FER: variants seen among roughly 807,000 people sequenced by gnomAD.
The protein encoded by FER is tyrosine-protein kinase Fer.
A neutral mutation model predicts 111.0 loss-of-function variants in FER; 63 were observed. That is an observed-to-expected ratio of 0.57 (90% CI 0.46 to 0.70). FER has a LOEUF of 0.70. Among genes scored for constraint, FER ranks in the 30% least tolerant of loss-of-function variants. The pLI is 0.00. For synonymous variants in FER, 327 were observed against 313.9 expected, an observed-to-expected ratio of 1.04 and a Z score of -0.44; for missense variants, 914 against 954.0, an observed-to-expected ratio of 0.96 and a Z score of 0.55.
intron 10 of FER, among the ~76,000 whole-genome samples, chr5:108,925,533 C>T (rs777303686): frequency 6.6e-5 from 10 of 151,968 alleles, no homozygotes; most frequent in African/African-American, 2.2e-4. Context: ...TGTCATTTTG[C>T]GACTTAATTG....
At chr5:108,753,070 A>G (rs947444580) in intron 1 of FER, among the ~76,000 whole-genome samples, 2 of 152,106 alleles carry the variant, frequency 1.3e-5, no homozygotes, top group African/African-American at 4.8e-5. Context: ...GGATAGTAAA[A>G]TTGCTTCACT....
chr5:108,838,231 G>A (rs1276213003), intron 5 of FER, among the ~76,000 whole-genome samples: 1 of 151,978 alleles, frequency 6.6e-6, no homozygotes, highest in Non-Finnish European at 1.5e-5. Context: ...ACATATATAG[G>A]CTTTATGTCA....
intron 2 of FER, among the ~76,000 whole-genome samples, chr5:108,782,996 A>G (rs911669468): frequency 6.6e-6 from 1 of 152,104 alleles, no homozygotes; most frequent in Non-Finnish European, 1.5e-5. Flanking sequence ...CTAATAGTAC[A>G]CTGTCTTGAT....
intron 9 of FER, among the ~76,000 whole-genome samples, chr5:108,885,746 G>T (rs1373155801): frequency 1.3e-5 from 2 of 151,678 alleles, no homozygotes; most frequent in Non-Finnish European, 2.9e-5. Flanking sequence ...TTCAACATCT[G>T]AATTTTGGCA....
chr5:108,892,262 A>T (rs1053038649), intron 9 of FER, among the ~76,000 whole-genome samples: 5 of 152,174 alleles, frequency 3.3e-5, no homozygotes, highest in Non-Finnish European at 5.9e-5. Context: ...CAACAGTTGA[A>T]CTAGTTTACC....
chr5:108,773,041 T>C (rs2149972851), intron 2 of FER, among the ~76,000 whole-genome samples: 1 of 152,160 alleles, frequency 6.6e-6, no homozygotes, highest in East Asian at 1.9e-4. Context: ...TCAGCGAGTG[T>C]TCTCTTTTAC....
At chr5:108,771,583 A>G (rs1255539508) in intron 2 of FER, among the ~76,000 whole-genome samples, 1 of 152,172 alleles carries the variant, frequency 6.6e-6, no homozygotes, top group African/African-American at 2.4e-5. Context: ...GTCTCCTCTC[A>G]TGCTTTCTGT....
intron 17 of FER, among the ~76,000 whole-genome samples, chr5:109,165,593 G>GGT (rs66749153): frequency 0.13 from 17,868 of 142,056 alleles, 1,052 homozygotes; most frequent in African/African-American, 0.15. Context: ...GGAGGGAACT[G>GGT]GTGTGTGTGT....
intron 2 of FER, among the ~76,000 whole-genome samples, chr5:108,792,758 T>A (rs1180233626): frequency 2.6e-5 from 4 of 151,964 alleles, no homozygotes; most frequent in Non-Finnish European, 4.4e-5. Context: ...TCTAATTTCA[T>A]TTTTGGATTG....
chr5:109,145,995 C>T (rs573828285), intron 17 of FER, among the ~76,000 whole-genome samples: 51 of 150,818 alleles, frequency 3.4e-4, no homozygotes, highest in African/African-American at 1.1e-3. Flanking sequence ...AGGTGATTTA[C>T]ATCTTATGGT....
intron 3 of FER, among the ~76,000 whole-genome samples, chr5:108,799,649 A>T (rs1334647377): frequency 6.6e-6 from 1 of 152,178 alleles, no homozygotes; most frequent in Non-Finnish European, 1.5e-5. Context: ...ATTTAACTGG[A>T]TATCCTTTAT....
intron 13 of FER, among the ~76,000 whole-genome samples, chr5:109,031,764 A>G (rs1290066813): frequency 6.6e-6 from 1 of 152,176 alleles, no homozygotes; most frequent in Non-Finnish European, 1.5e-5. Flanking sequence ...TTCAAGACTT[A>G]TCTCAAATAC....
At chr5:108,892,513 T>G (rs1386696043) in intron 9 of FER, among the ~76,000 whole-genome samples, 1 of 152,152 alleles carries the variant, frequency 6.6e-6, no homozygotes, top group Non-Finnish European at 1.5e-5. Context: ...TTGATGGGGT[T>G]GTTTGTTTTT....
At chr5:109,116,266 C>T (rs1373331276) in intron 17 of FER, among the ~76,000 whole-genome samples, 6 of 151,796 alleles carry the variant, frequency 4.0e-5, no homozygotes, top group Non-Finnish European at 8.8e-5. Flanking sequence ...TTTTCTTTAC[C>T]GATAGATGTT....
At chr5:109,066,886 T>C (rs1203084732) in intron 16 of FER, among the ~76,000 whole-genome samples, 1 of 152,162 alleles carries the variant, frequency 6.6e-6, no homozygotes, top group African/African-American at 2.4e-5. Context: ...TTTCAAATTT[T>C]GATATGAAAA....
intron 17 of FER, among the ~76,000 whole-genome samples, chr5:109,111,344 CATGAA>C (rs1325584924): frequency 6.6e-6 from 1 of 151,904 alleles, no homozygotes; most frequent in Non-Finnish European, 1.5e-5. Context: ...ACTAAGGTGA[CATGAA>C]AGAGAAGATG....
chr5:108,953,205 G>T (rs902147372), intron 11 of FER, among the ~76,000 whole-genome samples: 2 of 150,914 alleles, frequency 1.3e-5, no homozygotes, highest in Non-Finnish European at 3.0e-5. Flanking sequence ...TAGATTATGC[G>T]TTTGTTTTTA....
rs71224888 is a variant in FER at position 108,867,763 on chromosome 5, T to TC, written c.482-3dup. On this transcript the variant is annotated splice_polypyrimidine_tract_variant and splice_region_variant and intron_variant, in intron 5 of 19. Coordinates refer to ENST00000281092, the MANE Select transcript of FER (RefSeq NM_005246.4). ...TAACTTTCTTCAGTTTTTTTTTTTT[T>TC]CAGGGAAGGAAACTGAAAAGGCCAA... 3,299 of 1,589,370 alleles carry TC rather than the reference T, an allele frequency of 2.1e-3. 33 individuals are homozygous for TC. The African/African-American group carries it at 0.041, about 20-fold the overall frequency.
intron 17 of FER, among the ~76,000 whole-genome samples, chr5:109,167,753 A>G (rs1282680343): frequency 6.6e-6 from 1 of 152,148 alleles, no homozygotes; most frequent in Non-Finnish European, 1.5e-5. Flanking sequence ...GCCCCAGTGT[A>G]ACCTTACCCT....
Sources: gnomAD v4.1 joint callset for allele counts (sites outside exome capture counted in the v4.1 genomes callset) on GRCh38, gnomAD v4.1.1 for gene constraint, MANE v1.5 for transcripts, NCBI Gene and HGNC (gene_info 2026-07-23, HGNC 2026-07-21) for gene names.